HIRA: variants seen among roughly 807,000 people sequenced by gnomAD.
The protein encoded by HIRA is protein HIRA.
Under a neutral mutation model 126.6 loss-of-function variants are expected in HIRA, and 13 were observed. The observed-to-expected ratio is 0.10, with a 90% CI of 0.07 to 0.16. HIRA has a LOEUF of 0.16. Among genes scored for constraint, HIRA ranks in the 10% least tolerant of loss-of-function variants. HIRA has a pLI of 1.00. For synonymous variants in HIRA, 511 were observed against 520.0 expected (o/e 0.98, Z 0.24); for missense variants, 834 against 1,314.4 (o/e 0.63, Z 5.65).
At chr22:19,375,447 C>T (rs980052239) in intron 15 of HIRA, among the ~76,000 whole-genome samples, 184 bp downstream of exon 15, 5 of 152,200 alleles carry the variant, frequency 3.3e-5, no homozygotes, top group African/African-American at 7.2e-5. Flanking sequence ...CTTCCCACTT[C>T]AAGGAACCAC....
chr22:19,408,781 G>A (rs1194313381), intron 2 of HIRA, among the ~76,000 whole-genome samples, 188 bp from the exon 3 acceptor site: 1 of 152,160 alleles, frequency 6.6e-6, no homozygotes, highest in East Asian at 1.9e-4. Context: ...TCATGGGGAC[G>A]AAACGGAGCG....
Position 19,351,233 on chromosome 22 carries a change from C to T in HIRA, c.2937+125G>A, listed in dbSNP as rs1754286671. 2.8e-6 allele frequency: 4 copies of T among 1,418,454 alleles called. No individual in the cohort carries two copies. The highest frequency in any genetic ancestry group is 3.1e-5 in the South Asian group (2 of 65,082). 87.9% of individuals were successfully genotyped at this position (1,418,454 alleles called of 1,614,324 possible). On this transcript the variant is annotated intron_variant, in intron 24 of 24. Transcript: ENST00000263208. This position sits in a 1 kb window ranked among gnomAD's most constrained non-coding sequence, Gnocchi z 4.8. ...TGTCACCCTCTCACTGATGCTGGGA[C>T]CTGAGGCTGGGTGCTGGAGAAGTCT...
chr22:19,378,641 T>G (rs2089041585), intron 13 of HIRA, among the ~76,000 whole-genome samples: 1 of 152,252 alleles, frequency 6.6e-6, no homozygotes, highest in Admixed American at 6.5e-5. Flanking sequence ...CCTCCAGTCA[T>G]GTCTGCAAAA....
At chr22:19,417,425 C>A (rs1044375875) in intron 1 of HIRA, among the ~76,000 whole-genome samples, 1 of 151,906 alleles carries the variant, frequency 6.6e-6, no homozygotes, top group Non-Finnish European at 1.5e-5. Flanking sequence ...AGATCAAGAC[C>A]ATCCTGGCCA....
chr22:19,331,317 C>T lies in HIRA; in HGVS notation c.*123G>A, dbSNP rs781847889. ...GAGCTGGGCTGGCGCTGGTGCAGGACAGCACATCTCCTGCCAGTGTCTCCT... is the reference window on the plus strand; with the variant it reads ...GAGCTGGGCTGGCGCTGGTGCAGGATAGCACATCTCCTGCCAGTGTCTCCT... On this transcript the variant is annotated 3_prime_UTR_variant, in exon 25 of 25. Transcript: ENST00000263208. 6.3e-7 allele frequency: 1 copy of T among 1,593,616 alleles called. No individual in the cohort carries two copies. The highest frequency in any genetic ancestry group is 1.7e-5 in the Admixed American group (1 of 59,458).
At chr22:19,333,052 G>C (rs1306992612) in intron 24 of HIRA, among the ~76,000 whole-genome samples, 1 of 152,138 alleles carries the variant, frequency 6.6e-6, no homozygotes. Flanking sequence ...GGGACTATAG[G>C]TGTGTGCCAC....
In HIRA at chr22:19,431,629, C is replaced by T. The variant is rs1411337431; in HGVS notation, c.-153G>A. 36 of 729,164 alleles carry T rather than the reference C, an allele frequency of 4.9e-5. No homozygotes were observed. In the Admixed American group the frequency reaches 2.1e-3, roughly 43 times the overall value. 45.2% of individuals were successfully genotyped at this position (729,164 alleles called of 1,614,324 possible). ...CAGGGCCGCCGCGCCATCGCCGGCC[C>T]GCGCCCCCCTCCGCCGCCACAGCCG... On this transcript the variant is annotated 5_prime_UTR_variant, in exon 1 of 25. Transcript: ENST00000263208.
chr22:19,415,650 A>G (rs764241418), intron 1 of HIRA, among the ~76,000 whole-genome samples: 5 of 152,092 alleles, frequency 3.3e-5, no homozygotes, highest in Non-Finnish European at 7.4e-5. Context: ...TTGGCCGGAC[A>G]TGGTAGCACA....
At chr22:19,401,472 T>C (rs998681101) in intron 5 of HIRA, among the ~76,000 whole-genome samples, 3 of 152,210 alleles carry the variant, frequency 2.0e-5, no homozygotes, top group African/African-American at 7.2e-5. Context: ...ACTCTGCTCA[T>C]ACCCAGAACC....
At chr22:19,336,415 G>A (rs2088567857) in intron 24 of HIRA, among the ~76,000 whole-genome samples, 1 of 152,192 alleles carries the variant, frequency 6.6e-6, no homozygotes, top group Admixed American at 6.5e-5. Context: ...GCCATCTCCT[G>A]GCTGGAGGCC....
At chr22:19,383,803 A>T in intron 12 of HIRA, 98 bp from the exon 13 acceptor site, 1 of 876,098 alleles carries the variant, frequency 1.1e-6, no homozygotes, top group Non-Finnish European at 1.8e-6. Context: ...TGATAAGAAC[A>T]CTAAGCATAA....
intron 23 of HIRA, among the ~76,000 whole-genome samples, chr22:19,352,389 G>A (rs1952929403): frequency 1.3e-5 from 2 of 152,168 alleles, no homozygotes; most frequent in Non-Finnish European, 2.9e-5. Flanking sequence ...AGAGGTATGA[G>A]AGCCTGGGAA....
At chr22:19,397,611 G>A (rs971029173) in intron 6 of HIRA, among the ~76,000 whole-genome samples, 1 of 152,158 alleles carries the variant, frequency 6.6e-6, no homozygotes, top group Non-Finnish European at 1.5e-5. Context: ...TCAATCTTTT[G>A]CAAAACTGGG....
At chr22:19,417,611 A>C (rs1005460572) in intron 1 of HIRA, among the ~76,000 whole-genome samples, 1 of 152,156 alleles carries the variant, frequency 6.6e-6, no homozygotes, top group African/African-American at 2.4e-5. Context: ...ACACAGTGAG[A>C]CTCCGTCTCA....
chr22:19,375,843 G>GA (rs778743681), intron 14 of HIRA, 51 bp from the exon 15 acceptor site: 3 of 1,587,302 alleles, frequency 1.9e-6, no homozygotes. Flanking sequence ...GAAAGGATCT[G>GA]GAGGTCTAGT....
chr22:19,416,923 G>A (rs781112939), intron 1 of HIRA, among the ~76,000 whole-genome samples: 34 of 152,140 alleles, frequency 2.2e-4, no homozygotes, highest in Non-Finnish European at 4.0e-4. Context: ...AATGAGGCAC[G>A]GTGCAATGGC....
At chr22:19,424,492 A>G (rs2089473983) in intron 1 of HIRA, among the ~76,000 whole-genome samples, 1 of 152,240 alleles carries the variant, frequency 6.6e-6, no homozygotes, top group African/African-American at 2.4e-5. Context: ...GGCACTCAGA[A>G]TGGCTACAGA....
chr22:19,363,797 C>T (rs913044520), intron 15 of HIRA, among the ~76,000 whole-genome samples: 1 of 152,082 alleles, frequency 6.6e-6, no homozygotes, highest in Non-Finnish European at 1.5e-5. Context: ...ACCTGGGAGG[C>T]TGAGGTAGGA....
intron 8 of HIRA, 99 bp from the exon 9 acceptor site, chr22:19,392,313 T>G: frequency 1.5e-6 from 1 of 655,560 alleles, no homozygotes; most frequent in Non-Finnish European, 2.7e-6. Context: ...CCCACAGACA[T>G]TCTCTGAGCC....
Sources: allele counts gnomAD v4.1 joint callset (sites outside exome capture counted in the v4.1 genomes callset), GRCh38; gene constraint gnomAD v4.1.1; non-coding constraint Gnocchi (gnomAD v3.1); transcripts MANE v1.5; gene names NCBI Gene and HGNC (gene_info 2026-07-23, HGNC 2026-07-21).